Variants in SEC14L3 observed in about 807,000 individuals in gnomAD.
The protein encoded by SEC14L3 is SEC14-like protein 3.
Under a neutral mutation model 57.4 loss-of-function variants are expected in SEC14L3, and 56 were observed. That is an observed-to-expected ratio of 0.97 (90% CI 0.79 to 1.22). SEC14L3 has a LOEUF of 1.22. SEC14L3 is among the 50% of genes most tolerant of loss of function. The pLI, the probability that SEC14L3 is intolerant of heterozygous loss-of-function variation, is 0.00. For synonymous variants in SEC14L3, 173 were observed against 194.4 expected (o/e 0.89, Z 0.92); for missense variants, 485 against 511.7 (o/e 0.95, Z 0.50).
intron 9 of SEC14L3, 166 bp downstream of exon 9, chr22:30,461,920 G>T: frequency 2.0e-6 from 1 of 499,758 alleles, no homozygotes; most frequent in Non-Finnish European, 2.6e-6. Flanking sequence ...TTTCTTGTTT[G>T]CCTTTACAGC....
downstream of SEC14L3, among the ~76,000 whole-genome samples, chr22:30,458,794 T>C (rs1315177821): frequency 6.6e-6 from 1 of 152,060 alleles, no homozygotes; most frequent in African/African-American, 2.4e-5. Context: ...GGTAAATCAC[T>C]TGAGGCCAGG....
Position 30,459,565 on chromosome 22 carries a change from T to C in SEC14L3, c.*456A>G, listed in dbSNP as rs929675736. On this transcript the variant is annotated 3_prime_UTR_variant, in exon 12 of 12. Transcript: ENST00000215812. ...AATCATGTACAGCTGTTGAGTCACCTGCACCCTACCTTCTGGTCCTCCATT... is the reference window on the plus strand; with the variant it reads ...AATCATGTACAGCTGTTGAGTCACCCGCACCCTACCTTCTGGTCCTCCATT... 1 of 988,188 alleles carries C rather than the reference T, an allele frequency of 1.0e-6. No homozygotes were observed. Among genetic ancestry groups the C allele is most frequent in the African/African-American group, 1.7e-5 (1 of 57,250 alleles). The allele number at this position is 988,188 out of a possible 1,614,324, so 61.2% of individuals were successfully genotyped here. A position where few individuals can be genotyped will look rare whatever the true frequency, so the allele number is the denominator to read the frequency against.
Position 30,461,727 on chromosome 22 carries a change from G to A in SEC14L3, c.772-33C>T, listed in dbSNP as rs376958078. On this transcript the variant is annotated intron_variant, in intron 9 of 11. Transcript: ENST00000215812. ...CATGGGATGAGATGGGCTTGCTTCC[G>A]TCTCCTGGCCATTGTTCATGTTTCT... 63 of 1,593,644 alleles carry A rather than the reference G, an allele frequency of 4.0e-5. No individual in the cohort carries two copies. The East Asian group carries it at 4.5e-4, about 11-fold the overall frequency.
At chr22:30,466,193 T>C in intron 7 of SEC14L3, 141 bp downstream of exon 7, 2 of 717,280 alleles carry the variant, frequency 2.8e-6, no homozygotes, top group Non-Finnish European at 4.9e-6. Flanking sequence ...ACTTACTCTA[T>C]GCCAGGCATT....
chr22:30,449,041 G>T, exon 13 of SEC14L3: 1 of 1,528,568 alleles, frequency 6.5e-7, no homozygotes, highest in Non-Finnish European at 8.9e-7. Context: ...ACCACGTAGG[G>T]GGTGAGTCCT....
intron 5 of SEC14L3, 152 bp from the exon 6 acceptor site, chr22:30,467,229 T>C (rs372127830): frequency 2.2e-6 from 2 of 928,180 alleles, no homozygotes; most frequent in Non-Finnish European, 3.0e-6. Flanking sequence ...ATTTCCCCAC[T>C]CATCCATCCA....
At chr22:30,449,386 A>G (rs1325168863) in intron 12 of SEC14L3, 6 of 1,238,744 alleles carry the variant, frequency 4.8e-6, no homozygotes, top group Non-Finnish European at 5.5e-6. Flanking sequence ...CTATAATAGA[A>G]TGACATTATA....
chr22:30,453,875 G>C (rs1423383694), intron 12 of SEC14L3, among the ~76,000 whole-genome samples: 1 of 152,134 alleles, frequency 6.6e-6, no homozygotes, highest in Non-Finnish European at 1.5e-5. Flanking sequence ...GCCCGGCCCT[G>C]CTGAAGGTCA....
chr22:30,461,856 C>A, intron 9 of SEC14L3, 162 bp from the exon 10 acceptor site: 2 of 593,846 alleles, frequency 3.4e-6, no homozygotes, highest in Non-Finnish European at 4.2e-6. Flanking sequence ...TGGGCCAGTG[C>A]GTCTGCTGGG....
intron 1 of SEC14L3, 93 bp from the exon 2 acceptor site, chr22:30,470,675 C>T (rs1935578503): frequency 1.3e-6 from 2 of 1,577,730 alleles, no homozygotes; most frequent in Admixed American, 3.7e-5. Context: ...CCTTTCCTCC[C>T]ACATGCAAAA....
At chr22:30,450,947 G>C (rs771094354) in intron 12 of SEC14L3, among the ~76,000 whole-genome samples, 5 of 152,282 alleles carry the variant, frequency 3.3e-5, no homozygotes, top group Non-Finnish European at 5.9e-5. Flanking sequence ...GCCATGCTGG[G>C]ATTGGGATTT....
Position 30,470,095 on chromosome 22 carries a change from T to C in SEC14L3, c.175-17A>G. 6 of 1,604,626 alleles carry C rather than the reference T, an allele frequency of 3.7e-6. No homozygotes were observed. The highest frequency in any genetic ancestry group is 5.1e-6 in the Non-Finnish European group (6 of 1,174,740). ...CTCCATGTACTGAAAGGGAAATGAG[T>C]GGTAAGATCCCACTGGGCTCCCAGT... On this transcript the variant is annotated splice_polypyrimidine_tract_variant and intron_variant, in intron 3 of 11. Coordinates refer to ENST00000215812, the MANE Select transcript of SEC14L3 (RefSeq NM_174975.5).
intron 10 of SEC14L3, 24 bp from the exon 11 acceptor site, chr22:30,461,503 C>G (rs779175514): frequency 3.7e-6 from 6 of 1,613,110 alleles, no homozygotes; most frequent in Non-Finnish European, 5.1e-6. Context: ...GGGGAGGAGA[C>G]AGGTTGCTGC....
rs188243547 is a variant in SEC14L3, at chr22:30,470,005, C to A, written c.234+14G>T. 1.2e-5 allele frequency: 19 copies of A among 1,526,670 alleles called. No individual in the cohort carries two copies. The highest frequency in any genetic ancestry group is 1.7e-5 in the Non-Finnish European group (19 of 1,134,112). The allele number at this position is 1,526,670 out of a possible 1,614,324, so 94.6% of individuals were successfully genotyped here. On this transcript the variant is annotated intron_variant, in intron 4 of 11. Coordinates refer to ENST00000215812, the MANE Select transcript of SEC14L3 (RefSeq NM_174975.5). ...GTCCGTGAAAGACTGAGGTGTTTGGCGGTGTTGGCTCACCTCTGGGGGCTG... is the reference window on the plus strand; with the variant it reads ...GTCCGTGAAAGACTGAGGTGTTTGGAGGTGTTGGCTCACCTCTGGGGGCTG...
At chr22:30,461,224 G>A (rs1387183654) in intron 11 of SEC14L3, 86 bp downstream of exon 11, 2 of 1,476,962 alleles carry the variant, frequency 1.4e-6, no homozygotes, top group African/African-American at 2.8e-5. Flanking sequence ...GGGGAGGTGT[G>A]TCACTGCCCC....
At position 30,462,232 on chromosome 22, in the gene SEC14L3, G is replaced by A. The variant is rs767655709; in HGVS notation, c.665-40C>T. 8 of 1,578,170 alleles carry A rather than the reference G, an allele frequency of 5.1e-6. No individual in the cohort carries two copies. The South Asian group carries it at 9.4e-5, about 19-fold the overall frequency. On this transcript the variant is annotated intron_variant, in intron 8 of 11. Transcript: ENST00000215812. ...ATTCAAGGGTGGTTAGCAAGCATGG[G>A]GGGCACCAATTAGCCTCCCACACCC... is the stretch of plus-strand genomic sequence containing the variant.
At chr22:30,460,391 C>T (rs1160979331) in intron 11 of SEC14L3, among the ~76,000 whole-genome samples, 1 of 152,242 alleles carries the variant, frequency 6.6e-6, no homozygotes, top group East Asian at 1.9e-4. Flanking sequence ...ATGGTCATTA[C>T]ATCCCATTGT....
intron 6 of SEC14L3, 80 bp from the exon 7 acceptor site, chr22:30,466,474 G>A (rs969037827): frequency 7.5e-6 from 12 of 1,603,870 alleles, no homozygotes; most frequent in Non-Finnish European, 1.0e-5. Flanking sequence ...CTCCTGTTGG[G>A]AGGTTTCAGA....
chr22:30,465,574 A>T (rs558220504), intron 7 of SEC14L3, among the ~76,000 whole-genome samples: 3 of 152,342 alleles, frequency 2.0e-5, no homozygotes, highest in African/African-American at 4.8e-5. Context: ...ATCATCTAAG[A>T]TTCAGCCAAA....
Sources: gnomAD v4.1 joint callset for allele counts (sites outside exome capture counted in the v4.1 genomes callset) on GRCh38, gnomAD v4.1.1 for gene constraint, MANE v1.5 for transcripts, NCBI Gene and HGNC (gene_info 2026-07-23, HGNC 2026-07-21) for gene names.